Variants in BAIAP2 observed in about 807,000 individuals in gnomAD.
BAIAP2 encodes BAR/IMD domain-containing adapter protein 2.
BAIAP2 carries 18 observed loss-of-function variants against 63.0 expected under a neutral mutation model. The ratio of observed to expected loss-of-function variants is 0.29; its 90% CI spans 0.20 to 0.42. The LOEUF (loss-of-function observed/expected upper bound fraction) is 0.42, where lower values mean the gene tolerates loss of function less well. Ranked by LOEUF, BAIAP2 falls within the 10% of genes least tolerant of loss-of-function variation. The pLI, the probability that BAIAP2 is intolerant of heterozygous loss-of-function variation, is 1.00. For synonymous variants in BAIAP2, 386 were observed against 307.6 expected (o/e 1.25, Z -2.67); for missense variants, 610 against 734.3 (o/e 0.83, Z 1.96).
chr17:81,116,004 A>G lies in BAIAP2; in HGVS notation c.*165A>G. 1.4e-6 allele frequency: 2 copies of G among 1,468,736 alleles called. No individual in the cohort carries two copies. The highest frequency in any genetic ancestry group is 1.8e-6 in the Non-Finnish European group (2 of 1,112,374). 91.0% of individuals were successfully genotyped at this position (1,468,736 alleles called of 1,614,324 possible). A position where few individuals can be genotyped will look rare whatever the true frequency, so the allele number is the denominator to read the frequency against. ...GGACTGGATCCCAGCTGTTCTAGGCAGGGCCGGGCAGAGTGGGGCGCAGGC... is the reference window on the plus strand; with the variant it reads ...GGACTGGATCCCAGCTGTTCTAGGCGGGGCCGGGCAGAGTGGGGCGCAGGC... On this transcript the variant is annotated 3_prime_UTR_variant, in exon 14 of 14. Coordinates refer to ENST00000428708, the MANE Select transcript of BAIAP2 (RefSeq NM_001144888.2).
chr17:81,095,280 C>A (rs1034155472), intron 6 of BAIAP2, among the ~76,000 whole-genome samples: 1 of 152,196 alleles, frequency 6.6e-6, no homozygotes, highest in Non-Finnish European at 1.5e-5. Flanking sequence ...GAGGTACAGA[C>A]CAGGCCGTGC....
intron 3 of BAIAP2, among the ~76,000 whole-genome samples, chr17:81,068,521 C>A (rs967987677): frequency 6.6e-6 from 1 of 152,232 alleles, no homozygotes; most frequent in African/African-American, 2.4e-5. Context: ...CCAGAAGCCG[C>A]TCCTGAATCC....
At chr17:81,086,360 A>G (rs2055645218) in intron 5 of BAIAP2, 83 bp from the exon 6 acceptor site, 10 of 1,551,210 alleles carry the variant, frequency 6.4e-6, no homozygotes, top group Middle Eastern at 1.8e-4. Flanking sequence ...CGTTGGGCTC[A>G]TGGGCCTCGG....
chr17:81,052,206 C>T (rs1339050626), intron 1 of BAIAP2, among the ~76,000 whole-genome samples: 1 of 152,242 alleles, frequency 6.6e-6, no homozygotes, highest in Non-Finnish European at 1.5e-5. Context: ...CTGCCCACTG[C>T]TCTCTGGCAT....
Position 81,115,820 on chromosome 17 carries a change from C to G in BAIAP2, c.1586C>G (p.Ser529Cys), listed in dbSNP as rs767498145. The G allele has an allele frequency of 6.2e-7, 1 of 1,613,540 alleles. No homozygotes were observed. Among genetic ancestry groups the G allele is most frequent in the Non-Finnish European group, 8.5e-7 (1 of 1,180,012 alleles). The change falls in exon 14 of 14, where the codon TCT becomes TGT. Residue 529 changes from serine (S) to cysteine (C), a missense_variant. Around this residue, in one of 5 missense-constraint regions of BAIAP2, gnomAD observed 114 missense variants for 98.2 expected, o/e 1.16. Coordinates refer to ENST00000428708, the MANE Select transcript of BAIAP2 (RefSeq NM_001144888.2). Reference sequence around the variant, plus strand: ...AAGCCGACAGTGACCAACGACAGGTCTGCCCCCCTCCTCAGCTGATGGCCA... The same window carrying G: ...AAGCCGACAGTGACCAACGACAGGTGTGCCCCCCTCCTCAGCTGATGGCCA... ...QLKPTVTNDRSAPLLS is the reference protein window; with the variant it reads ...QLKPTVTNDRCAPLLS
At chr17:81,090,581 G>A (rs1254862216) in intron 6 of BAIAP2, among the ~76,000 whole-genome samples, 4 of 152,248 alleles carry the variant, frequency 2.6e-5, no homozygotes, top group African/African-American at 4.8e-5. Flanking sequence ...ACAACATTTT[G>A]GGGTGGGAAA....
chr17:81,040,138 T>C (rs2046876266), intron 1 of BAIAP2, among the ~76,000 whole-genome samples: 1 of 152,202 alleles, frequency 6.6e-6, no homozygotes, highest in African/African-American at 2.4e-5. Context: ...CACTGACTGC[T>C]GGTTGAGGCT....
In BAIAP2 at chr17:81,057,288, G is replaced by T. The variant is rs376053969; in HGVS notation, c.131-593G>T. 8.5e-5 allele frequency: 13 copies of T among 152,418 alleles called. No homozygotes were observed. The East Asian group carries it at 2.5e-3, about 29-fold the overall frequency. The allele number at this position is 152,418 out of a possible 1,614,324, so 9.4% of individuals were successfully genotyped here. On this transcript the variant is annotated intron_variant, in intron 2 of 13. Coordinates refer to ENST00000428708, the MANE Select transcript of BAIAP2 (RefSeq NM_001144888.2). ...CTGTGGCTGTGGAGGAGTTCAGCAG[G>T]CCCGGAGCCCTTCACACCCACTTCT...
At chr17:81,091,613 C>T (rs1017785628) in intron 6 of BAIAP2, among the ~76,000 whole-genome samples, 57 of 152,210 alleles carry the variant, frequency 3.7e-4, no homozygotes, top group African/African-American at 1.3e-3. Flanking sequence ...GCAGGTGTGC[C>T]CACACGTCGT....
chr17:81,091,213 A>G (rs1001964241), intron 6 of BAIAP2, among the ~76,000 whole-genome samples: 1 of 7,554 alleles, frequency 1.3e-4, no homozygotes, highest in East Asian at 5.1e-3. Flanking sequence ...CCCACCCCAC[A>G]GGCCTCCTAG....
chr17:81,097,025 C>T (rs1056916250), intron 6 of BAIAP2, among the ~76,000 whole-genome samples: 1 of 152,144 alleles, frequency 6.6e-6, no homozygotes, highest in East Asian at 1.9e-4. Context: ...CGGCAGAGGC[C>T]TCAGCATGGA....
intron 3 of BAIAP2, among the ~76,000 whole-genome samples, chr17:81,079,687 C>T (rs935837241): frequency 9.2e-5 from 14 of 152,212 alleles, no homozygotes; most frequent in Non-Finnish European, 1.6e-4. Flanking sequence ...CCCAGATCCC[C>T]GGATCCTTCT....
chr17:81,058,632 C>A (rs1249632427), intron 3 of BAIAP2, among the ~76,000 whole-genome samples: 1 of 152,230 alleles, frequency 6.6e-6, no homozygotes, highest in African/African-American at 2.4e-5. Flanking sequence ...ACTTGCTGCT[C>A]CCAGAGCGAG....
intron 3 of BAIAP2, among the ~76,000 whole-genome samples, chr17:81,064,698 TC>T (rs2051161132): frequency 1.3e-5 from 2 of 152,116 alleles, no homozygotes; most frequent in South Asian, 4.2e-4. Flanking sequence ...GTGATGTGGG[TC>T]TTTCTGTACC....
intron 3 of BAIAP2, among the ~76,000 whole-genome samples, chr17:81,082,122 C>T (rs969068368): frequency 5.3e-5 from 8 of 152,092 alleles, no homozygotes; most frequent in East Asian, 1.9e-4. Flanking sequence ...CTGTCGTCCC[C>T]GTGAGCCCTG....
intron 6 of BAIAP2, chr17:81,098,331 C>T (rs1301785527): frequency 1.1e-5 from 6 of 550,800 alleles, no homozygotes; most frequent in East Asian, 7.0e-5. Context: ...AACTCCCCCT[C>T]TCCAGTTTCC....
At chr17:81,049,929 G>A (rs571025662) in intron 1 of BAIAP2, among the ~76,000 whole-genome samples, 5 of 152,232 alleles carry the variant, frequency 3.3e-5, no homozygotes, top group African/African-American at 9.6e-5. Flanking sequence ...AGGATGGCCC[G>A]TGCCTGTGTT....
At chr17:81,077,253 G>A (rs1167434460) in intron 3 of BAIAP2, among the ~76,000 whole-genome samples, 2 of 152,078 alleles carry the variant, frequency 1.3e-5, no homozygotes, top group Non-Finnish European at 2.9e-5. Flanking sequence ...TTGTGGACTC[G>A]ATCCCCACAC....
intron 13 of BAIAP2, chr17:81,109,646 C>A: frequency 4.1e-6 from 4 of 985,350 alleles, no homozygotes; most frequent in Non-Finnish European, 4.8e-6. Flanking sequence ...AGGCCGGGCC[C>A]GGGCACCTGA....
Sources: gnomAD v4.1 joint callset for allele counts (sites outside exome capture counted in the v4.1 genomes callset) on GRCh38, gnomAD v4.1.1 for gene constraint, gnomAD v4.1.1 regional missense constraint, MANE v1.5 for transcripts, NCBI Gene and HGNC (gene_info 2026-07-23, HGNC 2026-07-21) for gene names.